CHD8: variants seen among roughly 807,000 people sequenced by gnomAD.
CHD8 encodes ATP-dependent chromatin remodeler CHD8.
Under a neutral mutation model 279.2 loss-of-function variants are expected in CHD8, and 31 were observed. That is an observed-to-expected ratio of 0.11 (90% CI 0.08 to 0.15). CHD8 has a LOEUF of 0.15. Ranked by LOEUF, CHD8 falls within the 10% of genes least tolerant of loss-of-function variation. The probability of loss-of-function intolerance (pLI) is 1.00; values close to 1 mark genes in which losing one functional copy is unlikely to be tolerated. For missense variants in CHD8, 2,146 were observed against 3,230.5 expected (o/e 0.66, Z 8.14); for synonymous variants, 1,081 against 1,139.6 (o/e 0.95, Z 1.04).
At chr14:21,401,661 C>T (rs186567579) in intron 20 of CHD8, 148 bp from the exon 21 acceptor site, 799 of 594,756 alleles carry the variant, frequency 1.3e-3, no homozygotes, top group Non-Finnish European at 2.0e-3. Flanking sequence ...CTCCGCTCAC[C>T]GCAACCTCCA....
At chr14:21,387,670 G>A (rs1887322806) in intron 37 of CHD8, among the ~76,000 whole-genome samples, 1 of 150,944 alleles carries the variant, frequency 6.6e-6, no homozygotes, top group East Asian at 1.9e-4. Context: ...GCTGGGTGTG[G>A]TCGTGCATGG....
chr14:21,445,089 G>C (rs560680522), intron 1 of CHD8, among the ~76,000 whole-genome samples: 1 of 152,102 alleles, frequency 6.6e-6, no homozygotes, highest in South Asian at 2.1e-4. Flanking sequence ...CCCGTACCCA[G>C]TATTTTAAAT....
At chr14:21,445,553 G>A (rs1313101746) in intron 1 of CHD8, among the ~76,000 whole-genome samples, 1 of 151,850 alleles carries the variant, frequency 6.6e-6, no homozygotes, top group African/African-American at 2.4e-5. Context: ...GCCAGGCGTG[G>A]TGGTGTGCAC....
At chr14:21,387,495 G>A (rs769945809) in intron 37 of CHD8, among the ~76,000 whole-genome samples, 4 of 152,178 alleles carry the variant, frequency 2.6e-5, no homozygotes, top group East Asian at 3.9e-4. Flanking sequence ...TTAGCTGGGC[G>A]TGGTGCCGCA....
Position 21,403,584 on chromosome 14 carries a change from A to C in CHD8, c.3387T>G (p.Val1129=), listed in dbSNP as rs763050440. ...IPHDFHLQAM[V]RSAGKLVLID... is the part of the protein sequence containing the mutation. The stretch of plus-strand genomic sequence containing the variant: ...TAAGAACCAGTTTGCCGGCTGAACG[A>C]ACCATGGCCTGCAGGTGAAAGTCAT... Residue 1129 remains valine, a synonymous_variant, in exon 17 of 38, where the codon GTT becomes GTG. Transcript: ENST00000646647. The surrounding 1 kb of genome is among the most constrained non-coding windows in gnomAD (Gnocchi z 4.3). The C allele has an allele frequency of 2.5e-6, 4 of 1,612,412 alleles. No individual in the cohort carries two copies. The highest frequency in any genetic ancestry group is 2.2e-5 in the East Asian group (1 of 44,862).
rs1888357770 is a variant in CHD8, at chr14:21,408,782, T to C, written c.2408A>G (p.His803Arg). The C allele has an allele frequency of 1.2e-6, 2 of 1,610,050 alleles. No homozygotes were observed. The highest frequency in any genetic ancestry group is 1.7e-5 in the Admixed American group (1 of 59,452). Reference sequence around the variant, plus strand: ...TAGCTGGTTTCTGTTTTTATATTCATGTGATAGCTCCAATTTCTTCCAGGC... The same window carrying C: ...TAGCTGGTTTCTGTTTTTATATTCACGTGATAGCTCCAATTTCTTCCAGGC... Reference protein sequence around the residue: ...ASAWKKLELSHEYKNRNQLRE... With the variant: ...ASAWKKLELSREYKNRNQLRE... The change falls in exon 12 of 38, where the codon CAT becomes CGT. Residue 803 changes from histidine to arginine, a missense_variant. Physicochemically the swap from His to Arg is conservative, Grantham distance 29. This residue lies in a region of CHD8 where 211 missense variants were observed against 464.7 expected (regional missense o/e 0.45). Coordinates refer to ENST00000646647, the MANE Select transcript of CHD8 (RefSeq NM_001170629.2). This position sits in a 1 kb window ranked among gnomAD's most constrained non-coding sequence, Gnocchi z 4.3.
In CHD8 at chr14:21,391,848, T is replaced by G. The variant is rs1307750942; in HGVS notation, c.6870A>C (p.Arg2290Ser). 3 of 1,611,734 alleles carry G rather than the reference T, an allele frequency of 1.9e-6. No individual in the cohort carries two copies. Among genetic ancestry groups the G allele is most frequent in the Admixed American group, 1.7e-5 (1 of 60,002 alleles). ...TACCACTCACCTCTACTAGCTTCTT[T>G]CTGTTCCCCTTCTTCTTATGAAACA... ...HPLFHKKKGNRKKLVELEVEC... is the reference protein window; with the variant it reads ...HPLFHKKKGNSKKLVELEVEC... The change falls in exon 35 of 38, where the codon AGA becomes AGC. Residue 2290 changes from arginine (R) to serine (S), a missense_variant. This residue lies in a region of CHD8 where 336 missense variants were observed against 392.9 expected (regional missense o/e 0.86). Coordinates refer to ENST00000646647, the MANE Select transcript of CHD8 (RefSeq NM_001170629.2).
chr14:21,416,197 T>C (rs1474405432), intron 5 of CHD8: 1 of 302,348 alleles, frequency 3.3e-6, no homozygotes, highest in African/African-American at 2.2e-5. Flanking sequence ...GGCTGCAGGG[T>C]GCAATATAAT....
chr14:21,402,405 G>T lies in CHD8; in HGVS notation c.3813C>A (p.Ala1271=), dbSNP rs761819952. 6.2e-7 allele frequency: 1 copy of T among 1,613,946 alleles called. No individual in the cohort carries two copies. Among genetic ancestry groups the T allele is most frequent in the East Asian group, 2.2e-5 (1 of 44,896 alleles). ...CCTTATCCAACCCCAACTTGAGGCTGGCCTTATCAAACATCTCTCTCTCGT... is the reference window on the plus strand; with the variant it reads ...CCTTATCCAACCCCAACTTGAGGCTTGCCTTATCAAACATCTCTCTCTCGT... ...NSYEREMFDK[A]SLKLGLDKAV... The change falls in exon 19 of 38, where the codon GCC becomes GCA. Residue 1271 remains alanine (A), a synonymous_variant. Coordinates refer to ENST00000646647, the MANE Select transcript of CHD8 (RefSeq NM_001170629.2). This position sits in a 1 kb window ranked among gnomAD's most constrained non-coding sequence, Gnocchi z 4.5.
intron 1 of CHD8, among the ~76,000 whole-genome samples, chr14:21,434,181 G>A (rs531171483): frequency 4.3e-4 from 65 of 151,996 alleles, no homozygotes; most frequent in African/African-American, 1.4e-3. Context: ...GAATAGCTGG[G>A]ATTACAGGCC....
intron 26 of CHD8, chr14:21,398,999 T>C (rs1376538252): frequency 4.8e-6 from 2 of 413,640 alleles, no homozygotes; most frequent in East Asian, 6.8e-5. Flanking sequence ...CCAGTGAAAA[T>C]GTCAAAGCCA....
Position 21,402,206 on chromosome 14 carries a change from G to C in CHD8, c.3883-70C>G. ...TATCTAACCATGCCATAATATTTTA[G>C]CTATTATATTTTAAGAAATAATAAT... On this transcript the variant is annotated intron_variant, in intron 19 of 37. Transcript: ENST00000646647. This position sits in a 1 kb window ranked among gnomAD's most constrained non-coding sequence, Gnocchi z 4.5. The C allele has an allele frequency of 1.4e-6, 2 of 1,448,532 alleles. No individual in the cohort carries two copies. The highest frequency in any genetic ancestry group is 1.9e-6 in the Non-Finnish European group (2 of 1,061,482). 89.7% of individuals were successfully genotyped at this position (1,448,532 alleles called of 1,614,324 possible). A position where few individuals can be genotyped will look rare whatever the true frequency, so the allele number is the denominator to read the frequency against.
At chr14:21,429,591 T>C (rs1889478407) in intron 2 of CHD8, 1 of 576,146 alleles carries the variant, frequency 1.7e-6, no homozygotes, top group East Asian at 3.6e-5. Flanking sequence ...AGCAAGGGAG[T>C]GCTGCCCTGC....
rs558921063 is a variant in CHD8, at chr14:21,402,234, A to G, written c.3883-98T>C. The G allele has an allele frequency of 6.2e-5, 93 of 1,496,456 alleles. No individual in the cohort carries two copies. Among genetic ancestry groups the G allele is most frequent in the South Asian group, 4.4e-4 (37 of 84,766 alleles). 92.7% of individuals were successfully genotyped at this position (1,496,456 alleles called of 1,614,324 possible). A position where few individuals can be genotyped will look rare whatever the true frequency, so the allele number is the denominator to read the frequency against. ...ATTATATTTTAAGAAATAATAATTG[A>G]GAATCCAAACAAGGTAGTCAAATCC... is the stretch of plus-strand genomic sequence containing the variant. On this transcript the variant is annotated intron_variant, in intron 19 of 37. Coordinates refer to ENST00000646647, the MANE Select transcript of CHD8 (RefSeq NM_001170629.2). This position sits in a 1 kb window ranked among gnomAD's most constrained non-coding sequence, Gnocchi z 4.5.
At chr14:21,399,374 A>C in intron 26 of CHD8, 2 of 510,694 alleles carry the variant, frequency 3.9e-6, no homozygotes, top group Non-Finnish European at 7.1e-6. Flanking sequence ...TAGAGAACAG[A>C]TGGGAGGCTC....
chr14:21,405,672 C>G lies in CHD8; in HGVS notation c.3051+49G>C. The G allele has an allele frequency of 6.2e-7, 1 of 1,602,702 alleles. No homozygotes were observed. The highest frequency in any genetic ancestry group is 2.2e-5 in the East Asian group (1 of 44,832). On this transcript the variant is annotated intron_variant, in intron 15 of 37. Coordinates refer to ENST00000646647, the MANE Select transcript of CHD8 (RefSeq NM_001170629.2). This position sits in a 1 kb window ranked among gnomAD's most constrained non-coding sequence, Gnocchi z 4.2. ...ACAACAGATGTCTGCCTTGTACAAA[C>G]TTCACCTTCTTTGTCCTGAGTTAGT... is the stretch of plus-strand genomic sequence containing the variant.
At chr14:21,431,883 T>C (rs1237110589) in intron 1 of CHD8, 25 bp from the exon 2 acceptor site, 2 of 1,541,352 alleles carry the variant, frequency 1.3e-6, no homozygotes, top group Non-Finnish European at 1.8e-6. Flanking sequence ...CAAATACAAA[T>C]GAAAAATAGG....
intron 16 of CHD8, among the ~76,000 whole-genome samples, chr14:21,404,098 T>TAA (rs112420804): frequency 5.4e-4 from 71 of 132,278 alleles, no homozygotes; most frequent in African/African-American, 1.9e-3. Flanking sequence ...GACTCCACCT[T>TAA]AAAAAAAAAA....
chr14:21,390,463 C>T lies in CHD8; in HGVS notation c.7182+484G>A, dbSNP rs549383931. ...TGCTCTCCTAGAGATGAAGATACCA[C>T]AGGACTGCAAAAATACTGATAAAAA... On this transcript the variant is annotated intron_variant, in intron 37 of 37. Transcript: ENST00000646647. 2.6e-5 allele frequency among the ~76,000 whole-genome samples: 4 copies of T among 152,248 alleles called. No individual in the cohort carries two copies. The South Asian group carries it at 6.2e-4, about 24-fold the overall frequency.
Sources: allele counts gnomAD v4.1 joint callset (sites outside exome capture counted in the v4.1 genomes callset), GRCh38; gene constraint gnomAD v4.1.1; regional missense constraint gnomAD v4.1.1; non-coding constraint Gnocchi (gnomAD v3.1); transcripts MANE v1.5; gene names NCBI Gene and HGNC (gene_info 2026-07-23, HGNC 2026-07-21).